Variants in PTPRD observed in about 807,000 individuals in gnomAD.
PTPRD encodes receptor-type tyrosine-protein phosphatase delta.
In PTPRD, 34 loss-of-function variants were observed where a neutral mutation model predicts 214.5. That is an observed-to-expected ratio of 0.16 (90% CI 0.12 to 0.21). The LOEUF (loss-of-function observed/expected upper bound fraction) is 0.21. Among genes scored for constraint, PTPRD ranks in the 10% least tolerant of loss-of-function variants. The pLI is 1.00. For missense variants in PTPRD, 2,545 were observed against 2,398.7 expected, an observed-to-expected ratio of 1.06 and a Z score of -1.27; for synonymous variants, 1,128 against 845.7, an observed-to-expected ratio of 1.33 and a Z score of -5.79.
At chr9:9,457,012 C>T (rs2093102666) in intron 8 of PTPRD, among the ~76,000 whole-genome samples, 1 of 151,944 alleles carries the variant, frequency 6.6e-6, no homozygotes, top group East Asian at 1.9e-4. Flanking sequence ...GTCCAAATGG[C>T]ATGCCCAGTC....
At chr9:10,259,872 G>A (rs891608645) in intron 3 of PTPRD, among the ~76,000 whole-genome samples, 1 of 152,032 alleles carries the variant, frequency 6.6e-6, no homozygotes, top group African/African-American at 2.4e-5. Context: ...TTTTGAAGAT[G>A]GCCTCCTGCA....
At chr9:10,399,356 G>A (rs1341393896) in intron 2 of PTPRD, among the ~76,000 whole-genome samples, 2 of 151,874 alleles carry the variant, frequency 1.3e-5, no homozygotes, top group African/African-American at 2.4e-5. Flanking sequence ...CTAATTCACA[G>A]GAAACACAGT....
In PTPRD at chr9:9,619,531, ATATT is replaced by A. The variant is rs549765714; in HGVS notation, c.-286-44754_-286-44751del. On this transcript the variant is annotated intron_variant, in intron 7 of 45. Transcript: ENST00000381196. Reference sequence around the variant, plus strand: ...ATATAAATATAATATATAAATGACTATATTTATATAGAAATTCCATATATTATCT... The same window carrying A: ...ATATAAATATAATATATAAATGACTATATATAGAAATTCCATATATTATCT... Among the ~76,000 whole-genome samples, 434 of 146,760 alleles carry A rather than the reference ATATT, an allele frequency of 3.0e-3. 3 individuals carry two copies. The highest frequency in any genetic ancestry group is 0.01 in the African/African-American group (414 of 40,578).
At chr9:10,496,724 G>T (rs1855853) in intron 2 of PTPRD, among the ~76,000 whole-genome samples, 102,856 of 151,848 alleles carry the variant, frequency 0.68, 36,947 homozygotes, top group Middle Eastern at 0.84. Flanking sequence ...GAGCATTTTT[G>T]CATATGCTTA....
At chr9:9,618,687 A>G (rs1320400153) in intron 7 of PTPRD, among the ~76,000 whole-genome samples, 3 of 152,220 alleles carry the variant, frequency 2.0e-5, no homozygotes, top group Non-Finnish European at 4.4e-5. Flanking sequence ...GATAGGTATC[A>G]GATATTCAAA....
chr9:10,381,010 G>T (rs1286345075), intron 2 of PTPRD, among the ~76,000 whole-genome samples: 1 of 151,774 alleles, frequency 6.6e-6, no homozygotes. Context: ...TCCACAGGCT[G>T]CTTAGAATGG....
chr9:10,345,563 G>C (rs2097059600), intron 2 of PTPRD, among the ~76,000 whole-genome samples: 1 of 152,150 alleles, frequency 6.6e-6, no homozygotes, highest in African/African-American at 2.4e-5. Context: ...ATGGTTTCTA[G>C]CTTCATCCAT....
intron 12 of PTPRD, among the ~76,000 whole-genome samples, chr9:8,639,916 T>G (rs2096535967): frequency 6.6e-6 from 1 of 152,196 alleles, no homozygotes; most frequent in Admixed American, 6.5e-5. Context: ...CTTTATTTTC[T>G]GGTCAGGCAT....
At chr9:10,225,338 C>A (rs957329012) in intron 3 of PTPRD, among the ~76,000 whole-genome samples, 4 of 151,790 alleles carry the variant, frequency 2.6e-5, no homozygotes, top group Non-Finnish European at 4.4e-5. Context: ...TGCTATACAC[C>A]GTAATTTGTT....
At chr9:10,113,858 G>C (rs770753612) in intron 3 of PTPRD, among the ~76,000 whole-genome samples, 1 of 152,164 alleles carries the variant, frequency 6.6e-6, no homozygotes, top group South Asian at 2.1e-4. Flanking sequence ...GCCACATTTT[G>C]ATTAGCAAGA....
intron 3 of PTPRD, among the ~76,000 whole-genome samples, chr9:10,318,670 T>G (rs1309283867): frequency 6.6e-6 from 1 of 152,076 alleles, no homozygotes; most frequent in Non-Finnish European, 1.5e-5. Context: ...TGGAGTGCAG[T>G]GGCACGATCT....
intron 44 of PTPRD, among the ~76,000 whole-genome samples, chr9:8,330,143 C>T (rs1037277506): frequency 6.6e-6 from 1 of 152,148 alleles, no homozygotes; most frequent in African/African-American, 2.4e-5. Flanking sequence ...TCCCCTGACC[C>T]CTTGTGCTTC....
chr9:10,309,100 C>A (rs77742938), intron 3 of PTPRD, among the ~76,000 whole-genome samples: 5,856 of 152,040 alleles, frequency 0.039, 388 homozygotes, highest in African/African-American at 0.13. Flanking sequence ...CTAGTTTTAA[C>A]AAATCCTAAG....
intron 9 of PTPRD, among the ~76,000 whole-genome samples, chr9:9,229,487 C>T (rs907618112): frequency 2.6e-5 from 4 of 152,034 alleles, no homozygotes; most frequent in Non-Finnish European, 5.9e-5. Flanking sequence ...AGACTCAAAA[C>T]CACAAAAAAG....
chr9:9,676,575 T>C (rs1283296772), intron 7 of PTPRD, among the ~76,000 whole-genome samples: 3 of 152,080 alleles, frequency 2.0e-5, no homozygotes, highest in Non-Finnish European at 4.4e-5. Flanking sequence ...TGAATAGTGC[T>C]GCAATAAACA....
chr9:10,017,961 C>G (rs892679276), intron 4 of PTPRD, among the ~76,000 whole-genome samples: 6 of 152,172 alleles, frequency 3.9e-5, no homozygotes, highest in Non-Finnish European at 7.4e-5. Context: ...GAGATCTCCC[C>G]CATGGTACAT....
chr9:10,051,594 T>TC (rs966351548), intron 3 of PTPRD, among the ~76,000 whole-genome samples: 8 of 151,632 alleles, frequency 5.3e-5, no homozygotes, highest in African/African-American at 1.9e-4. Flanking sequence ...ATGCTATCCC[T>TC]CCCCACTCCC....
intron 7 of PTPRD, among the ~76,000 whole-genome samples, chr9:9,647,059 T>A (rs1346538313): frequency 6.6e-6 from 1 of 152,186 alleles, no homozygotes; most frequent in Non-Finnish European, 1.5e-5. Flanking sequence ...CCATCTGTGC[T>A]TAATTCTAAA....
intron 11 of PTPRD, among the ~76,000 whole-genome samples, chr9:8,758,584 G>T (rs10124556): frequency 6.6e-6 from 1 of 151,990 alleles, no homozygotes; most frequent in African/African-American, 2.4e-5. Context: ...AAGTAACAAA[G>T]AAGCAAGAAA....
Sources: allele counts gnomAD v4.1 joint callset (sites outside exome capture counted in the v4.1 genomes callset), GRCh38; gene constraint gnomAD v4.1.1; transcripts MANE v1.5; gene names NCBI Gene and HGNC (gene_info 2026-07-23, HGNC 2026-07-21).